Variants in ABCB4 observed in about 807,000 individuals in gnomAD.
ABCB4 encodes phosphatidylcholine translocator ABCB4.
ABCB4 carries 76 observed loss-of-function variants against 145.7 expected under a neutral mutation model. That is an observed-to-expected ratio of 0.52 (90% CI 0.43 to 0.63). The LOEUF (loss-of-function observed/expected upper bound fraction) is 0.63, where lower values mean the gene tolerates loss of function less well. ABCB4 is among the 30% of genes least tolerant of loss of function. The pLI, the probability that ABCB4 is intolerant of heterozygous loss-of-function variation, is 0.00. For synonymous variants in ABCB4, 517 were observed against 566.8 expected, an observed-to-expected ratio of 0.91 and a Z score of 1.25; for missense variants, 1,234 against 1,553.1, an observed-to-expected ratio of 0.79 and a Z score of 3.45.
At chr7:87,386,729 C>T in the ABCB4 span, among the ~76,000 whole-genome samples, 3 of 152,080 alleles carry the variant, frequency 2.0e-5, no homozygotes, top group South Asian at 2.1e-4. Flanking sequence ...ACTCATGGAG[C>T]GTGCTTCCTA....
chr7:87,378,828 C>T, the ABCB4 span, among the ~76,000 whole-genome samples: 1 of 152,122 alleles, frequency 6.6e-6, no homozygotes, highest in Non-Finnish European at 1.5e-5. Flanking sequence ...CAAAGTGGTG[C>T]TTGGTTGCCT....
At chr7:87,469,197 T>C (rs1813176597) in intron 3 of ABCB4, among the ~76,000 whole-genome samples, 1 of 152,090 alleles carries the variant, frequency 6.6e-6, no homozygotes, top group African/African-American at 2.4e-5. Flanking sequence ...AAACTCTCAA[T>C]AAATTAGGTA....
the ABCB4 span, chr7:87,382,046 A>G: frequency 6.3e-7 from 1 of 1,580,204 alleles, no homozygotes; most frequent in Non-Finnish European, 8.7e-7. Context: ...CTATAGATAA[A>G]ATATTTTTAA....
chr7:87,458,824 G>A (rs991126225), intron 4 of ABCB4, among the ~76,000 whole-genome samples: 10 of 152,018 alleles, frequency 6.6e-5, no homozygotes, highest in Middle Eastern at 3.4e-3. Flanking sequence ...TTTATAATTC[G>A]GAGGCTACCA....
At chr7:87,390,590 T>G in the ABCB4 span, among the ~76,000 whole-genome samples, 1 of 152,298 alleles carries the variant, frequency 6.6e-6, no homozygotes, top group East Asian at 1.9e-4. Context: ...CAGAGACTTT[T>G]CACTCTCACT....
At chr7:87,412,088 T>C in intron 22 of ABCB4, 55 bp from the exon 23 acceptor site, 1 of 1,608,204 alleles carries the variant, frequency 6.2e-7, no homozygotes, top group Non-Finnish European at 8.5e-7. Context: ...TTTAGCGCTG[T>C]GTAGTGGAAA....
Position 87,475,434 on chromosome 7 carries a change from G to C in ABCB4, c.32C>G (p.Ala11Gly), listed in dbSNP as rs756899335. 6.8e-6 allele frequency: 11 copies of C among 1,614,088 alleles called. No homozygotes were observed. The highest frequency in any genetic ancestry group is 3.3e-5 in the South Asian group (3 of 91,094). Residue 11 changes from alanine (A) to glycine (G), a missense_variant, in exon 2 of 28, where the codon GCC (alanine) becomes GGC (glycine). Physicochemically the swap from Ala to Gly is moderately conservative, Grantham distance 60. This residue lies in a region of ABCB4 where 77 missense variants were observed against 73.3 expected (regional missense o/e 1.05). Transcript: ENST00000649586. The stretch of plus-strand genomic sequence containing the variant: ...GCCCTCCGCGCTCGTGGGGCGCCAG[G>C]CTGTTCCGTTCTTTGCCGCCTCAAG... MDLEAAKNGT[A>G]WRPTSAEGDF...
intron 4 of ABCB4, among the ~76,000 whole-genome samples, chr7:87,455,677 A>G (rs1812056131): frequency 6.6e-6 from 1 of 152,242 alleles, no homozygotes; most frequent in African/African-American, 2.4e-5. Context: ...TCACAAAATA[A>G]TAGGATAAAA....
chr7:87,465,440 G>A (rs2116921052), intron 3 of ABCB4, among the ~76,000 whole-genome samples: 1 of 152,320 alleles, frequency 6.6e-6, no homozygotes, highest in Middle Eastern at 3.4e-3. Context: ...AGCTCAAAGA[G>A]ACCTGCCTGC....
intron 3 of ABCB4, 92 bp from the exon 4 acceptor site, chr7:87,463,000 G>A (rs1233443011): frequency 1.6e-6 from 2 of 1,221,838 alleles, no homozygotes; most frequent in Admixed American, 2.2e-5. Context: ...TTTAAAGTCA[G>A]TACTTTTTTA....
intron 14 of ABCB4, among the ~76,000 whole-genome samples, chr7:87,433,222 T>A (rs1423046301): frequency 6.6e-6 from 1 of 152,156 alleles, no homozygotes; most frequent in Non-Finnish European, 1.5e-5. Context: ...TAAATCCAGA[T>A]GAATCAATTG....
At chr7:87,430,258 C>A (rs915284841) in intron 15 of ABCB4, among the ~76,000 whole-genome samples, 2 of 151,956 alleles carry the variant, frequency 1.3e-5, no homozygotes, top group Non-Finnish European at 1.5e-5. Flanking sequence ...CTTCTGAGCA[C>A]CCATTAAAAT....
the ABCB4 span, among the ~76,000 whole-genome samples, chr7:87,385,118 G>A: frequency 1.5e-4 from 22 of 151,382 alleles, no homozygotes; most frequent in Middle Eastern, 3.4e-3. Flanking sequence ...TTTGAAGTTT[G>A]GTAATGTGAT....
rs10647775 is a variant in ABCB4 at position 87,426,944 on chromosome 7, A to AGTGTGTGT, written c.1894-32_1894-25dup. On this transcript the variant is annotated intron_variant, in intron 15 of 27. Coordinates refer to ENST00000649586, the MANE Select transcript of ABCB4 (RefSeq NM_000443.4). Reference sequence around the variant, plus strand: ...GTCTGAAAGAATATCAAGACATTAAAGTGTGTGTGTGTGTGTGTGTGTGTG... The same window carrying AGTGTGTGT: ...GTCTGAAAGAATATCAAGACATTAAAGTGTGTGTGTGTGTGTGTGTGTGTGTGTGTGTG... The AGTGTGTGT allele has an allele frequency of 0.052, 53,280 of 1,026,760 alleles. 624 individuals are homozygous for AGTGTGTGT. The highest frequency in any genetic ancestry group is 0.055 in the Non-Finnish European group (37,357 of 679,780). 63.6% of individuals were successfully genotyped at this position (1,026,760 alleles called of 1,614,324 possible). A position where few individuals can be genotyped will look rare whatever the true frequency, so the allele number is the denominator to read the frequency against.
At chr7:87,398,126 T>C (rs549836096), downstream of ABCB4, among the ~76,000 whole-genome samples, 56 of 151,784 alleles carry the variant, frequency 3.7e-4, no homozygotes, top group South Asian at 0.011. Flanking sequence ...TCAAACTTTC[T>C]TCAAGTACTC....
chr7:87,385,383 C>A, the ABCB4 span, among the ~76,000 whole-genome samples: 2 of 151,834 alleles, frequency 1.3e-5, no homozygotes, highest in Non-Finnish European at 2.9e-5. Flanking sequence ...GTCTTATAGT[C>A]TTCCTTGTAT....
chr7:87,420,681 A>G (rs572441128), intron 18 of ABCB4, among the ~76,000 whole-genome samples: 533 of 152,354 alleles, frequency 3.5e-3, no homozygotes, highest in Non-Finnish European at 5.7e-3. Flanking sequence ...TTAAATAACA[A>G]AAGTCCAGGA....
At chr7:87,404,848 A>G (rs45573738) in intron 26 of ABCB4, among the ~76,000 whole-genome samples, 62 of 152,340 alleles carry the variant, frequency 4.1e-4, no homozygotes, top group African/African-American at 1.4e-3. Flanking sequence ...AGTGGTAAAA[A>G]TAAAAACTAA....
At chr7:87,378,291 A>G in the ABCB4 span, among the ~76,000 whole-genome samples, 2 of 150,158 alleles carry the variant, frequency 1.3e-5, no homozygotes, top group Admixed American at 6.7e-5. Flanking sequence ...GGGTGCAGTG[A>G]ACAGTGTTTG....
Sources: gnomAD v4.1 joint callset for allele counts (sites outside exome capture counted in the v4.1 genomes callset) on GRCh38, gnomAD v4.1.1 for gene constraint, gnomAD v4.1.1 regional missense constraint, MANE v1.5 for transcripts, NCBI Gene and HGNC (gene_info 2026-07-23, HGNC 2026-07-21) for gene names.